The following SHISA6 variants were observed in gnomAD, a reference collection of about 807,000 sequenced individuals.
SHISA6 encodes the protein shisa family member 6.
SHISA6 carries 22 observed loss-of-function variants against 47.9 expected under a neutral mutation model. The observed-to-expected ratio is 0.46, with a 90% CI of 0.33 to 0.66. SHISA6 has a LOEUF of 0.66. Among genes scored for constraint, SHISA6 ranks in the 30% least tolerant of loss-of-function variants. SHISA6 has a pLI of 0.02. For synonymous variants in SHISA6, 388 were observed against 337.8 expected (o/e 1.15, Z -1.63); for missense variants, 680 against 764.6 (o/e 0.89, Z 1.30).
At chr17:11,362,013 G>A (rs1220849631) in intron 2 of SHISA6, among the ~76,000 whole-genome samples, 1 of 152,146 alleles carries the variant, frequency 6.6e-6, no homozygotes. Flanking sequence ...TTGATCAACC[G>A]AGGGGTTTTC....
intron 2 of SHISA6, among the ~76,000 whole-genome samples, chr17:11,352,990 C>T (rs1349555556): frequency 6.6e-6 from 1 of 152,178 alleles, no homozygotes; most frequent in Non-Finnish European, 1.5e-5. Flanking sequence ...CCACCCTAAC[C>T]TTTATCTTTG....
chr17:11,267,563 AC>A (rs1908472355), intron 2 of SHISA6, among the ~76,000 whole-genome samples: 1 of 152,214 alleles, frequency 6.6e-6, no homozygotes, highest in African/African-American at 2.4e-5. Context: ...AAAGAAACAA[AC>A]AAAAACAAAC....
intron 3 of SHISA6, among the ~76,000 whole-genome samples, chr17:11,517,590 C>G (rs964570686): frequency 6.6e-6 from 1 of 152,134 alleles, no homozygotes; most frequent in African/African-American, 2.4e-5. Flanking sequence ...GCAGCCTCAA[C>G]CTCTCAGGCT....
intron 3 of SHISA6, among the ~76,000 whole-genome samples, chr17:11,485,230 A>C (rs1025827535): frequency 2.0e-5 from 3 of 151,976 alleles, no homozygotes; most frequent in African/African-American, 7.3e-5. Flanking sequence ...CCAGAGAAGG[A>C]GTTAGGACTG....
intron 3 of SHISA6, among the ~76,000 whole-genome samples, chr17:11,442,968 T>C (rs1915131140): frequency 6.6e-6 from 1 of 152,176 alleles, no homozygotes; most frequent in South Asian, 2.1e-4. Context: ...CTAAATCCTG[T>C]CCATCCTGGT....
chr17:11,514,456 C>T (rs972948510), intron 3 of SHISA6, among the ~76,000 whole-genome samples: 28 of 152,138 alleles, frequency 1.8e-4, no homozygotes, highest in Admixed American at 1.3e-4. Flanking sequence ...GTCAATCCTT[C>T]TTCATAGAAT....
intron 3 of SHISA6, among the ~76,000 whole-genome samples, chr17:11,396,683 G>T (rs1913581685): frequency 6.6e-6 from 1 of 152,154 alleles, no homozygotes; most frequent in African/African-American, 2.4e-5. Context: ...ATAAGTGGGA[G>T]CTGAACAATG....
At chr17:11,336,573 C>T (rs772790345) in intron 2 of SHISA6, among the ~76,000 whole-genome samples, 20 of 152,278 alleles carry the variant, frequency 1.3e-4, no homozygotes, top group Middle Eastern at 3.4e-3. Flanking sequence ...AGCTTCTCAA[C>T]GTCACACGCC....
chr17:11,316,123 T>C (rs1381682355), intron 2 of SHISA6, among the ~76,000 whole-genome samples: 2 of 150,320 alleles, frequency 1.3e-5, no homozygotes, highest in Non-Finnish European at 3.0e-5. Context: ...TATCTAATGC[T>C]TGGAATTTAT....
chr17:11,453,268 C>A (rs1915450743), intron 3 of SHISA6, among the ~76,000 whole-genome samples: 1 of 152,164 alleles, frequency 6.6e-6, no homozygotes, highest in Non-Finnish European at 1.5e-5. Flanking sequence ...ACAGTATTGG[C>A]CACAGAACAG....
chr17:11,440,614 A>G (rs1030149146), intron 3 of SHISA6, among the ~76,000 whole-genome samples: 6 of 147,248 alleles, frequency 4.1e-5, no homozygotes, highest in African/African-American at 1.5e-4. Flanking sequence ...TTGCTCATCT[A>G]CATTGGATGA....
intron 3 of SHISA6, among the ~76,000 whole-genome samples, chr17:11,534,155 T>C (rs1207606254): frequency 2.1e-5 from 2 of 97,304 alleles, no homozygotes; most frequent in Admixed American, 1.1e-4. Context: ...AATCTTTTTT[T>C]TCTTTTTTTT....
At chr17:11,510,625 A>G (rs1025272521) in intron 3 of SHISA6, among the ~76,000 whole-genome samples, 1 of 152,192 alleles carries the variant, frequency 6.6e-6, no homozygotes, top group East Asian at 1.9e-4. Context: ...CTAATGTGGC[A>G]GTCTTTTTTC....
intron 2 of SHISA6, among the ~76,000 whole-genome samples, chr17:11,287,840 A>G (rs1467680369): frequency 5.3e-5 from 8 of 152,154 alleles, no homozygotes; most frequent in Non-Finnish European, 8.8e-5. Flanking sequence ...ACAAACATAA[A>G]AGAACATAAA....
intron 2 of SHISA6, among the ~76,000 whole-genome samples, chr17:11,305,915 T>C (rs963134999): frequency 1.3e-5 from 2 of 152,102 alleles, no homozygotes; most frequent in Admixed American, 6.6e-5. Context: ...GAGAAGGCAT[T>C]ATTTGTGGGC....
chr17:11,532,739 C>CTTTTTTTTTTTTTTTTTTTT (rs71142217), intron 3 of SHISA6, among the ~76,000 whole-genome samples: 1 of 71,256 alleles, frequency 1.4e-5, no homozygotes, highest in African/African-American at 5.8e-5. Context: ...TCTATCAGGG[C>CTTTTTTTTTTTTTTTTTTTT]TTTTTTTTTT....
At chr17:11,523,441 G>T (rs965095633) in intron 3 of SHISA6, among the ~76,000 whole-genome samples, 7 of 152,178 alleles carry the variant, frequency 4.6e-5, no homozygotes, top group African/African-American at 1.7e-4. Context: ...GTGAGCCAGG[G>T]AGATAGATAT....
chr17:11,481,795 A>T (rs180919428), intron 3 of SHISA6, among the ~76,000 whole-genome samples: 1 of 152,018 alleles, frequency 6.6e-6, no homozygotes, highest in South Asian at 2.1e-4. Context: ...CTGGCCCCTG[A>T]AGATATATTT....
At chr17:11,242,089 G>T in intron 1 of SHISA6, 29 bp downstream of exon 1, 1 of 1,547,956 alleles carries the variant, frequency 6.5e-7, no homozygotes. Flanking sequence ...GCGCGCCCCG[G>T]TCTCCCCGCG....
Sources: gnomAD v4.1 joint callset for allele counts (sites outside exome capture counted in the v4.1 genomes callset) on GRCh38, gnomAD v4.1.1 for gene constraint, MANE v1.5 for transcripts, NCBI Gene and HGNC (gene_info 2026-07-23, HGNC 2026-07-21) for gene names.